The following OSBPL6 variants were observed in gnomAD, a reference collection of about 807,000 sequenced individuals.
The protein encoded by OSBPL6 is oxysterol-binding protein-related protein 6.
In OSBPL6, 49 loss-of-function variants were observed where a neutral mutation model predicts 125.8. The ratio of observed to expected loss-of-function variants is 0.39; its 90% confidence interval spans 0.31 to 0.49. The LOEUF (loss-of-function observed/expected upper bound fraction) is 0.49. Ranked by LOEUF, OSBPL6 falls within the 20% of genes least tolerant of loss-of-function variation. The pLI is 0.88. For missense variants in OSBPL6, 986 were observed against 1,135.4 expected, an observed-to-expected ratio of 0.87 and a Z score of 1.89; for synonymous variants, 394 against 391.8, an observed-to-expected ratio of 1.01 and a Z score of -0.07.
intron 7 of OSBPL6, 28 bp from the exon 8 acceptor site, chr2:178,332,843 T>C: frequency 6.2e-7 from 1 of 1,608,524 alleles, no homozygotes; most frequent in South Asian, 1.1e-5. Flanking sequence ...ATTTTACAAT[T>C]ACTTTCTCCT....
chr2:178,368,878 A>G (rs1447456931), intron 13 of OSBPL6, among the ~76,000 whole-genome samples: 1 of 151,018 alleles, frequency 6.6e-6, no homozygotes, highest in East Asian at 2.0e-4. Flanking sequence ...GGCTCAGTGC[A>G]GCCTCCACCT....
At chr2:178,366,946 A>T (rs940358684) in intron 13 of OSBPL6, among the ~76,000 whole-genome samples, 1 of 152,250 alleles carries the variant, frequency 6.6e-6, no homozygotes, top group Non-Finnish European at 1.5e-5. Flanking sequence ...TCCATGGCTG[A>T]TATGTCTATT....
rs767483555 is a variant in OSBPL6 at position 178,349,360 on chromosome 2, A to G, written c.1124A>G (p.Gln375Arg). The G allele has an allele frequency of 5.0e-6, 8 of 1,614,060 alleles. No homozygotes were observed. In the Admixed American group the frequency reaches 1.2e-4, roughly 24 times the overall value. Residue 375 changes from glutamine to arginine, a missense_variant, in exon 12 of 25, where the codon CAA becomes CGA. Transcript: ENST00000190611. Reference sequence around the variant, plus strand: ...AGTTCAACAGATTATACAAAGCTGCAAGAAGAATTTTGTCTAATCGCACAG... The same window carrying G: ...AGTTCAACAGATTATACAAAGCTGCGAGAAGAATTTTGTCTAATCGCACAG... The part of the protein sequence containing the change: ...LESSTDYTKL[Q>R]EEFCLIAQKV...
intron 19 of OSBPL6, among the ~76,000 whole-genome samples, chr2:178,386,079 G>A (rs1319052400): frequency 6.6e-6 from 1 of 152,252 alleles, no homozygotes; most frequent in African/African-American, 2.4e-5. Flanking sequence ...GAATATTTAT[G>A]TAAATGTGAA....
chr2:178,240,120 G>A (rs1199888505), intron 1 of OSBPL6, among the ~76,000 whole-genome samples: 1 of 152,140 alleles, frequency 6.6e-6, no homozygotes, highest in East Asian at 1.9e-4. Flanking sequence ...GTGATTGCCA[G>A]AAATTGAGGA....
chr2:178,338,972 A>G lies in OSBPL6; in HGVS notation c.791-19A>G. 1 of 1,577,406 alleles carries G rather than the reference A, an allele frequency of 6.3e-7. No homozygotes were observed. Among genetic ancestry groups the G allele is most frequent in the Non-Finnish European group, 8.7e-7 (1 of 1,152,446 alleles). On this transcript the variant is annotated intron_variant, in intron 9 of 24. Coordinates refer to ENST00000190611, the MANE Select transcript of OSBPL6 (RefSeq NM_032523.4). ...CCCTACCCAATTTTAACGTATTTTT[A>G]TTTCTGATTTCTTATTAGATCTTGC...
intron 1 of OSBPL6, among the ~76,000 whole-genome samples, chr2:178,274,020 A>C (rs567787887): frequency 6.6e-6 from 1 of 152,226 alleles, no homozygotes; most frequent in South Asian, 2.1e-4. Context: ...TTCCCTTTAC[A>C]TTGGGCACGT....
intron 2 of OSBPL6, among the ~76,000 whole-genome samples, chr2:178,300,334 G>A (rs1686165492): frequency 6.6e-6 from 1 of 152,214 alleles, no homozygotes; most frequent in African/African-American, 2.4e-5. Context: ...CTTTGCTTGG[G>A]ACTGTGGACA....
At chr2:178,264,662 T>C (rs1009470122) in intron 1 of OSBPL6, among the ~76,000 whole-genome samples, 2 of 152,192 alleles carry the variant, frequency 1.3e-5, no homozygotes. Flanking sequence ...CCCCTTACAA[T>C]TGCATATTCT....
At chr2:178,351,402 G>T (rs1437482966) in intron 12 of OSBPL6, among the ~76,000 whole-genome samples, 1 of 151,186 alleles carries the variant, frequency 6.6e-6, no homozygotes, top group Non-Finnish European at 1.5e-5. Flanking sequence ...AAAGTTGCAG[G>T]ATATACAATG....
intron 1 of OSBPL6, among the ~76,000 whole-genome samples, chr2:178,269,363 A>G (rs554785739): frequency 6.6e-6 from 1 of 152,348 alleles, no homozygotes; most frequent in South Asian, 2.1e-4. Context: ...TAAAGCTACT[A>G]TGAACAATTT....
intron 2 of OSBPL6, among the ~76,000 whole-genome samples, chr2:178,303,785 T>C (rs1354611685): frequency 6.6e-6 from 1 of 152,134 alleles, no homozygotes. Flanking sequence ...TCCCCGACCA[T>C]GTCCAGTCAC....
intron 1 of OSBPL6, among the ~76,000 whole-genome samples, chr2:178,218,031 G>A (rs774770100): frequency 6.6e-5 from 10 of 152,138 alleles, no homozygotes; most frequent in Admixed American, 5.2e-4. Context: ...AGATATGGAC[G>A]TTCTTTGTAC....
intron 1 of OSBPL6, among the ~76,000 whole-genome samples, chr2:178,224,450 G>C (rs2153972982): frequency 6.6e-6 from 1 of 152,294 alleles, no homozygotes; most frequent in Middle Eastern, 3.4e-3. Context: ...CACTGAAACA[G>C]CCTTGCATGT....
chr2:178,239,466 G>A (rs1345690748), intron 1 of OSBPL6, among the ~76,000 whole-genome samples: 2 of 151,850 alleles, frequency 1.3e-5, no homozygotes, highest in Non-Finnish European at 2.9e-5. Flanking sequence ...AGGCTGAGGT[G>A]GAAGTTGTAG....
chr2:178,316,390 A>G (rs979428520), intron 3 of OSBPL6, among the ~76,000 whole-genome samples: 3 of 152,172 alleles, frequency 2.0e-5, no homozygotes, highest in Admixed American at 2.0e-4. Flanking sequence ...TTATAGTGGT[A>G]AAAAAATTAG....
At chr2:178,217,286 G>A (rs576803849) in intron 1 of OSBPL6, among the ~76,000 whole-genome samples, 2 of 152,314 alleles carry the variant, frequency 1.3e-5, no homozygotes, top group East Asian at 3.9e-4. Context: ...ATTTTTAAAG[G>A]TGATGAAACT....
At chr2:178,218,484 T>C (rs555816806) in intron 1 of OSBPL6, among the ~76,000 whole-genome samples, 61 of 152,176 alleles carry the variant, frequency 4.0e-4, no homozygotes, top group African/African-American at 1.4e-3. Flanking sequence ...ATTCTATTAA[T>C]AGAGGTATTC....
chr2:178,375,038 G>A (rs1157926965), intron 15 of OSBPL6, among the ~76,000 whole-genome samples: 3 of 152,182 alleles, frequency 2.0e-5, no homozygotes, highest in African/African-American at 7.2e-5. Flanking sequence ...CCATTCACAG[G>A]CTGGAATGCT....
Sources: allele counts gnomAD v4.1 joint callset (sites outside exome capture counted in the v4.1 genomes callset), GRCh38; gene constraint gnomAD v4.1.1; transcripts MANE v1.5; gene names NCBI Gene and HGNC (gene_info 2026-07-23, HGNC 2026-07-21).